CNTNAP2: variants seen among roughly 807,000 people sequenced by gnomAD.
The protein encoded by CNTNAP2 is contactin-associated protein-like 2.
CNTNAP2 carries 98 observed loss-of-function variants against 155.2 expected under a neutral mutation model. The ratio of observed to expected loss-of-function variants is 0.63; its 90% CI spans 0.54 to 0.75. CNTNAP2 has a LOEUF of 0.75. CNTNAP2 is among the 30% of genes least tolerant of loss of function. The probability of loss-of-function intolerance (pLI) is 0.00; values close to 1 mark genes in which losing one functional copy is unlikely to be tolerated. For missense variants in CNTNAP2, 1,727 were observed against 1,688.1 expected (o/e 1.02, Z -0.40); for synonymous variants, 651 against 631.2 (o/e 1.03, Z -0.47).
At chr7:146,664,355 T>G (rs1800150114) in intron 1 of CNTNAP2, among the ~76,000 whole-genome samples, 1 of 151,820 alleles carries the variant, frequency 6.6e-6, no homozygotes, top group South Asian at 2.1e-4. Flanking sequence ...GGGATGGGTT[T>G]TTGCCATGTT....
Position 147,253,383 on chromosome 7 carries a change from G to GTTTT in CNTNAP2, c.1349-46741_1349-46738dup, listed in dbSNP as rs556721401. Among the ~76,000 whole-genome samples the GTTTT allele has an allele frequency of 3.8e-3, 451 of 118,560 alleles. 4 individuals carry two copies. The highest frequency in any genetic ancestry group is 0.013 in the African/African-American group (424 of 32,822). The allele number at this position is 118,560 out of a possible 152,430, so 77.8% of individuals were successfully genotyped here. On this transcript the variant is annotated intron_variant, in intron 8 of 23. Transcript: ENST00000361727. ...TGCTGATTAGCTTAACAGGTTCTCT[G>GTTTT]TTTTTTTTTTTTTTTTTTTTAGAAA...
intron 8 of CNTNAP2, among the ~76,000 whole-genome samples, chr7:147,219,397 C>T (rs1803345591): frequency 3.3e-5 from 5 of 152,156 alleles, no homozygotes; most frequent in Non-Finnish European, 7.4e-5. Flanking sequence ...CCAAGAGCCC[C>T]TGGTAAATCA....
At chr7:146,810,033 T>C (rs1406709366) in intron 2 of CNTNAP2, among the ~76,000 whole-genome samples, 1 of 152,210 alleles carries the variant, frequency 6.6e-6, no homozygotes, top group Non-Finnish European at 1.5e-5. Flanking sequence ...GTATATGGTA[T>C]AAGACGAGGG....
intron 2 of CNTNAP2, among the ~76,000 whole-genome samples, chr7:146,780,800 TTATAAA>T (rs1802472389): frequency 1.3e-5 from 2 of 151,998 alleles, no homozygotes; most frequent in African/African-American, 4.8e-5. Flanking sequence ...ATGTTCTCAC[TTATAAA>T]TGGGAGCTGA....
intron 1 of CNTNAP2, among the ~76,000 whole-genome samples, chr7:146,687,929 A>T (rs951308200): frequency 6.6e-6 from 1 of 152,158 alleles, no homozygotes; most frequent in Non-Finnish European, 1.5e-5. Context: ...AAGTGGTTTT[A>T]CATTACTAAT....
chr7:147,085,643 A>G (rs748807256), intron 4 of CNTNAP2: 1 of 152,240 alleles, frequency 6.6e-6, no homozygotes, highest in African/African-American at 2.4e-5. Flanking sequence ...TTTAAGAGCT[A>G]AAAACATACA....
At position 146,786,728 on chromosome 7, in the gene CNTNAP2, T is replaced by C. The variant is rs565556374; in HGVS notation, c.208+12347T>C. The stretch of plus-strand genomic sequence containing the variant: ...TCCCCAGGTTTTCACCCAAAGGTCA[T>C]TTTATTTTATTTCCCTTAGCTATTA... On this transcript the variant is annotated intron_variant, in intron 2 of 23. Coordinates refer to ENST00000361727, the MANE Select transcript of CNTNAP2 (RefSeq NM_014141.6). The C allele has an allele frequency of 2.0e-5, 3 of 152,342 alleles. No homozygotes were observed. In the East Asian group the frequency reaches 5.8e-4, roughly 29 times the overall value. 9.4% of individuals were successfully genotyped at this position (152,342 alleles called of 1,614,324 possible). A position where few individuals can be genotyped will look rare whatever the true frequency, so the allele number is the denominator to read the frequency against.
intron 13 of CNTNAP2, among the ~76,000 whole-genome samples, chr7:147,886,244 G>A (rs756622163): frequency 4.6e-5 from 7 of 152,132 alleles, no homozygotes; most frequent in Admixed American, 1.3e-4. Context: ...AGGCCAAGAC[G>A]GGTGGATTGC....
chr7:146,139,375 T>G (rs1584768368), intron 1 of CNTNAP2, among the ~76,000 whole-genome samples: 1 of 152,288 alleles, frequency 6.6e-6, no homozygotes, highest in South Asian at 2.1e-4. Context: ...GAGCTGTTTT[T>G]TCCCACCACA....
chr7:146,551,920 A>G (rs1460814296), intron 1 of CNTNAP2, among the ~76,000 whole-genome samples: 1 of 152,072 alleles, frequency 6.6e-6, no homozygotes, highest in Admixed American at 6.6e-5. Flanking sequence ...CATATGATGT[A>G]ATCATTTTAA....
At chr7:146,451,857 A>C in intron 1 of CNTNAP2, among the ~76,000 whole-genome samples, 1 of 128,608 alleles carries the variant, frequency 7.8e-6, no homozygotes, top group East Asian at 2.1e-4. Flanking sequence ...CACGTATTCT[A>C]TATATATATA....
intron 15 of CNTNAP2, among the ~76,000 whole-genome samples, chr7:148,040,667 T>C (rs1161347374): frequency 6.6e-6 from 1 of 152,256 alleles, no homozygotes; most frequent in East Asian, 1.9e-4. Flanking sequence ...CACAGTTTCA[T>C]TCATTTGTAT....
chr7:146,449,354 C>A (rs1180651504), intron 1 of CNTNAP2, among the ~76,000 whole-genome samples: 2 of 151,938 alleles, frequency 1.3e-5, no homozygotes, highest in African/African-American at 2.4e-5. Flanking sequence ...ATTTGTGGCC[C>A]TTTTTTCCTC....
At chr7:147,444,888 G>A (rs988014338) in intron 10 of CNTNAP2, among the ~76,000 whole-genome samples, 1 of 152,188 alleles carries the variant, frequency 6.6e-6, no homozygotes, top group African/African-American at 2.4e-5. Flanking sequence ...GGCTGTACAG[G>A]AAGCATAGCT....
chr7:147,518,567 C>G (rs138379737), intron 11 of CNTNAP2, among the ~76,000 whole-genome samples: 18 of 152,292 alleles, frequency 1.2e-4, no homozygotes, highest in African/African-American at 4.1e-4. Context: ...TGTAGCTCTT[C>G]CGGTGGACAG....
At chr7:146,397,310 T>A (rs2129107513) in intron 1 of CNTNAP2, among the ~76,000 whole-genome samples, 1 of 152,338 alleles carries the variant, frequency 6.6e-6, no homozygotes, top group South Asian at 2.1e-4. Flanking sequence ...AGACCACATT[T>A]ACCACATTTG....
intron 8 of CNTNAP2, among the ~76,000 whole-genome samples, chr7:147,180,867 G>A (rs1802442102): frequency 6.6e-6 from 1 of 152,052 alleles, no homozygotes. Flanking sequence ...TACATAGGAA[G>A]CTACTAAAGA....
At chr7:147,563,094 A>C (rs1800095827) in intron 12 of CNTNAP2, among the ~76,000 whole-genome samples, 1 of 152,216 alleles carries the variant, frequency 6.6e-6, no homozygotes, top group Non-Finnish European at 1.5e-5. Context: ...ACTTGAGTTT[A>C]CATCCTGGCT....
intron 15 of CNTNAP2, among the ~76,000 whole-genome samples, chr7:148,073,193 G>A (rs138182726): frequency 1.1e-3 from 163 of 152,222 alleles, no homozygotes; most frequent in Non-Finnish European, 1.8e-3. Context: ...AGAATACACC[G>A]CATAAAATAT....
Sources: gnomAD v4.1 joint callset for allele counts (sites outside exome capture counted in the v4.1 genomes callset) on GRCh38, gnomAD v4.1.1 for gene constraint, MANE v1.5 for transcripts, NCBI Gene and HGNC (gene_info 2026-07-23, HGNC 2026-07-21) for gene names.